Variants in ROBO2 observed in about 807,000 individuals in gnomAD.
ROBO2 encodes the protein roundabout guidance receptor 2, also known as roundabout homolog 2.
Under a neutral mutation model 160.8 loss-of-function variants are expected in ROBO2, and 53 were observed. That is an observed-to-expected ratio of 0.33 (90% confidence interval 0.26 to 0.41). The LOEUF is 0.41. ROBO2 is among the 10% of genes least tolerant of loss of function. The pLI is 1.00. For synonymous variants in ROBO2, 664 were observed against 611.7 expected (o/e 1.09, Z -1.26); for missense variants, 1,577 against 1,722.4 (o/e 0.92, Z 1.49).
At chr3:77,293,544 G>A (rs549669075) in intron 2 of ROBO2, among the ~76,000 whole-genome samples, 1 of 128,314 alleles carries the variant, frequency 7.8e-6, no homozygotes. Flanking sequence ...TGAGGCTAGA[G>A]CACTAAAGAC....
intron 6 of ROBO2, among the ~76,000 whole-genome samples, chr3:77,523,646 G>C (rs896590115): frequency 1.3e-5 from 2 of 151,254 alleles, no homozygotes; most frequent in Non-Finnish European, 1.5e-5. Flanking sequence ...ATCACGTGAG[G>C]GAAATTACAT....
At chr3:76,016,133 C>A (rs2066398084) in intron 2 of ROBO2, among the ~76,000 whole-genome samples, 1 of 151,914 alleles carries the variant, frequency 6.6e-6, no homozygotes, top group Non-Finnish European at 1.5e-5. Context: ...AAAAATTATA[C>A]CCCATTTTAC....
chr3:76,216,341 C>G (rs1032775403), intron 2 of ROBO2, among the ~76,000 whole-genome samples: 4 of 152,146 alleles, frequency 2.6e-5, no homozygotes, highest in African/African-American at 9.7e-5. Context: ...GGACTAAATA[C>G]TCCAATTAAA....
intron 2 of ROBO2, among the ~76,000 whole-genome samples, chr3:76,888,354 C>G (rs766021361): frequency 6.6e-6 from 1 of 151,952 alleles, no homozygotes; most frequent in Non-Finnish European, 1.5e-5. Context: ...GGTGACAGAA[C>G]CAGTCTCTGC....
At chr3:76,983,709 T>G (rs2060220965) in intron 2 of ROBO2, among the ~76,000 whole-genome samples, 1 of 152,206 alleles carries the variant, frequency 6.6e-6, no homozygotes, top group Non-Finnish European at 1.5e-5. Context: ...AGAGTGATTT[T>G]ACATACAAAT....
intron 6 of ROBO2, among the ~76,000 whole-genome samples, chr3:77,534,496 C>T (rs1025685172): frequency 1.3e-5 from 2 of 152,170 alleles, no homozygotes; most frequent in East Asian, 3.9e-4. Flanking sequence ...TCAGAATTTT[C>T]ATAAGTTGCT....
At chr3:76,067,003 ACACTTTC>A (rs944656079) in intron 2 of ROBO2, among the ~76,000 whole-genome samples, 1 of 152,144 alleles carries the variant, frequency 6.6e-6, no homozygotes, top group African/African-American at 2.4e-5. Context: ...CGAAACAAAG[ACACTTTC>A]CATGGACAAA....
At chr3:77,646,175 TGCAATGTAAAGACACACA>T in exon 26 of ROBO2, 1 of 656,008 alleles carries the variant, frequency 1.5e-6, no homozygotes. Flanking sequence ...GAACTGTAAA[TGCAATGTAAAGACACACA>T]GCCACACATA....
At chr3:76,054,124 AT>A (rs1392946923) in intron 2 of ROBO2, among the ~76,000 whole-genome samples, 1 of 152,088 alleles carries the variant, frequency 6.6e-6, no homozygotes, top group African/African-American at 2.4e-5. Context: ...TGAGAGTTAT[AT>A]TTTTACTTGA....
chr3:76,288,817 G>T (rs1174222504), intron 2 of ROBO2, among the ~76,000 whole-genome samples: 1 of 152,078 alleles, frequency 6.6e-6, no homozygotes, highest in African/African-American at 2.4e-5. Flanking sequence ...CAAAGGACAT[G>T]TTCTCATTCT....
At chr3:76,754,561 G>C (rs2060860890) in intron 2 of ROBO2, among the ~76,000 whole-genome samples, 1 of 151,840 alleles carries the variant, frequency 6.6e-6, no homozygotes, top group Non-Finnish European at 1.5e-5. Context: ...TCATAACTAA[G>C]AAAGTCTGAT....
At chr3:76,243,721 A>G (rs936060922) in intron 2 of ROBO2, among the ~76,000 whole-genome samples, 1 of 152,204 alleles carries the variant, frequency 6.6e-6, no homozygotes, top group Admixed American at 6.5e-5. Flanking sequence ...CCTGTAGCCA[A>G]GTTAATAATC....
intron 2 of ROBO2, among the ~76,000 whole-genome samples, chr3:76,901,367 A>G (rs1225404720): frequency 6.6e-6 from 1 of 152,050 alleles, no homozygotes; most frequent in East Asian, 1.9e-4. Flanking sequence ...CACTCAACAT[A>G]TATCTATTAA....
intron 2 of ROBO2, among the ~76,000 whole-genome samples, chr3:77,428,457 C>T (rs1361282502): frequency 6.7e-6 from 1 of 148,166 alleles, no homozygotes; most frequent in African/African-American, 2.5e-5. Flanking sequence ...CCCGGGTTCA[C>T]GCCATTCTCC....
rs79041025 is a variant in ROBO2 at position 77,419,149 on chromosome 3, G to C, written c.389-58265G>C. On this transcript the variant is annotated intron_variant, in intron 2 of 25. Transcript: ENST00000461745. ...GAAGCAGAGAGACAGATTCTATAAA[G>C]GCCCAAGGCAACATAAACTCCTATG... is the stretch of plus-strand genomic sequence containing the variant. Among the ~76,000 whole-genome samples the C allele has an allele frequency of 8.8e-3, 1,336 of 152,048 alleles. 20 individuals are homozygous for C. The highest frequency in any genetic ancestry group is 0.031 in the African/African-American group (1,271 of 41,494).
At chr3:77,194,440 G>T (rs2082139977) in intron 2 of ROBO2, among the ~76,000 whole-genome samples, 2 of 152,002 alleles carry the variant, frequency 1.3e-5, no homozygotes, top group Admixed American at 1.3e-4. Flanking sequence ...GGTTACTTCA[G>T]ACTCCTTCTT....
At chr3:77,058,180 T>A (rs975091277) in intron 1 of ROBO2, among the ~76,000 whole-genome samples, 3 of 152,286 alleles carry the variant, frequency 2.0e-5, no homozygotes, top group African/African-American at 7.2e-5. Flanking sequence ...ATCACCTGAA[T>A]AAAATAGGTG....
intron 2 of ROBO2, among the ~76,000 whole-genome samples, chr3:77,341,407 T>C (rs956193842): frequency 2.6e-5 from 4 of 152,118 alleles, no homozygotes; most frequent in Non-Finnish European, 5.9e-5. Flanking sequence ...GAAATAGTCT[T>C]TTACATAGTT....
intron 2 of ROBO2, among the ~76,000 whole-genome samples, chr3:77,268,891 T>G (rs2059308033): frequency 6.6e-6 from 1 of 152,188 alleles, no homozygotes; most frequent in Non-Finnish European, 1.5e-5. Context: ...TCTGTAGAAA[T>G]AGTTGTCAGA....
Sources: allele counts gnomAD v4.1 joint callset (sites outside exome capture counted in the v4.1 genomes callset), GRCh38; gene constraint gnomAD v4.1.1; transcripts MANE v1.5; gene names NCBI Gene and HGNC (gene_info 2026-07-23, HGNC 2026-07-21).